The following ANK3 variants were observed in gnomAD, a reference collection of about 807,000 sequenced individuals.
The protein encoded by ANK3 is ankyrin 3.
A neutral mutation model predicts 370.9 loss-of-function variants in ANK3; 57 were observed. That is an observed-to-expected ratio of 0.15 (90% CI 0.12 to 0.19). ANK3 has a LOEUF of 0.19. Among genes scored for constraint, ANK3 ranks in the 10% least tolerant of loss-of-function variants. ANK3 has a pLI of 1.00. For missense variants in ANK3, 4,439 were observed against 5,302.1 expected (o/e 0.84, Z 5.06); for synonymous variants, 1,929 against 1,946.3 (o/e 0.99, Z 0.23).
At chr10:60,233,239 C>A (rs2097275105) in intron 8 of ANK3, among the ~76,000 whole-genome samples, 1 of 152,088 alleles carries the variant, frequency 6.6e-6, no homozygotes. Context: ...CATTAATTTT[C>A]TTTATTTTCA....
intron 4 of ANK3, among the ~76,000 whole-genome samples, chr10:60,273,507 T>C (rs2098034392): frequency 6.6e-6 from 1 of 152,080 alleles, no homozygotes; most frequent in African/African-American, 2.4e-5. Context: ...CACTCCCCAT[T>C]TCCCCCTAGT....
intron 25 of ANK3, among the ~76,000 whole-genome samples, chr10:60,126,802 G>A (rs1466036346): frequency 6.6e-6 from 1 of 152,102 alleles, no homozygotes; most frequent in Non-Finnish European, 1.5e-5. Context: ...TAGAGAGAAA[G>A]CATAAAATAA....
At chr10:60,505,499 A>T (rs1050259685) in intron 2 of ANK3, among the ~76,000 whole-genome samples, 1 of 152,100 alleles carries the variant, frequency 6.6e-6, no homozygotes, top group Non-Finnish European at 1.5e-5. Context: ...AGCATTAGCA[A>T]TTGTTCTTCT....
chr10:60,140,449 A>G (rs753371747), intron 23 of ANK3: 17 of 1,611,404 alleles, frequency 1.1e-5, no homozygotes, highest in Non-Finnish European at 1.4e-5. Context: ...AACCTCCAAA[A>G]CAGCTCAAGG....
chr10:60,161,919 C>A (rs1482136851), intron 23 of ANK3, among the ~76,000 whole-genome samples: 1 of 152,012 alleles, frequency 6.6e-6, no homozygotes, highest in Non-Finnish European at 1.5e-5. Context: ...CAGAATGTTC[C>A]AAACACACAG....
chr10:60,395,560 C>CTTTCTTTCTT (rs1555367087), intron 2 of ANK3, among the ~76,000 whole-genome samples: 1 of 90,810 alleles, frequency 1.1e-5, no homozygotes, highest in African/African-American at 4.4e-5. Flanking sequence ...CTCTTTCTTT[C>CTTTCTTTCTT]TTTCTTTCTT....
At position 60,172,294 on chromosome 10, in the gene ANK3, C is replaced by T. The variant is rs953141090; in HGVS notation, c.2478+14G>A. 1.2e-6 allele frequency: 2 copies of T among 1,605,670 alleles called. No homozygotes were observed. The highest frequency in any genetic ancestry group is 3.3e-5 in the Admixed American group (2 of 59,932). On this transcript the variant is annotated intron_variant, in intron 21 of 43. Transcript: ENST00000280772. ...TGGCTCCTAGGGTAACAAGGTTCTG[C>T]ATTCCTTACTTACAGTTGTGGTCAT...
intron 1 of ANK3, among the ~76,000 whole-genome samples, chr10:60,281,003 C>G (rs2098154338): frequency 6.6e-6 from 1 of 152,164 alleles, no homozygotes; most frequent in Admixed American, 6.6e-5. Context: ...GAGTAGGCAA[C>G]TGGAAAGCAG....
intron 1 of ANK3, among the ~76,000 whole-genome samples, chr10:60,326,853 C>G (rs1299382664): frequency 6.7e-6 from 1 of 149,460 alleles, no homozygotes; most frequent in Non-Finnish European, 1.5e-5. Flanking sequence ...AACCCCGTCT[C>G]TACTAAAAAT....
rs183000939 is a variant in ANK3 at position 60,558,822 on chromosome 10, G to C, written c.96+56364C>G. Among the ~76,000 whole-genome samples, 21 of 152,138 alleles carry C rather than the reference G, an allele frequency of 1.4e-4. No homozygotes were observed. In the East Asian group the frequency reaches 4.1e-3, roughly 29 times the overall value. Reference sequence around the variant, plus strand: ...TATAATTTTCTAAAGCAATTTATAAGATAATATTTGTACAGCTCAAAAGAC... The same window carrying C: ...TATAATTTTCTAAAGCAATTTATAACATAATATTTGTACAGCTCAAAAGAC... On this transcript the variant is annotated intron_variant, in intron 2 of 43. Coordinates refer to the ANK3 transcript ENST00000373827.
At chr10:60,598,592 T>C (rs1208884005) in intron 2 of ANK3, among the ~76,000 whole-genome samples, 1 of 152,210 alleles carries the variant, frequency 6.6e-6, no homozygotes. Context: ...AATGTCAAAA[T>C]TGTGACTATA....
At chr10:60,626,562 A>G (rs1260266688) in intron 1 of ANK3, among the ~76,000 whole-genome samples, 1 of 152,190 alleles carries the variant, frequency 6.6e-6, no homozygotes, top group Non-Finnish European at 1.5e-5. Flanking sequence ...ATTTTTTACC[A>G]TCCAAGAAGA....
chr10:60,073,457 A>C lies in ANK3; in HGVS notation c.7424T>G (p.Val2475Gly). 1 of 1,614,020 alleles carries C rather than the reference A, an allele frequency of 6.2e-7. No individual in the cohort carries two copies. Among genetic ancestry groups the C allele is most frequent in the South Asian group, 1.1e-5 (1 of 91,072 alleles). The change falls in exon 37 of 44, where the codon GTG (valine) becomes GGG (glycine). Residue 2475 changes from valine to glycine, a missense_variant. Physicochemically the swap from Val to Gly is moderately radical, Grantham distance 109 (BLOSUM62 -3). This residue lies in a region of ANK3 where 1,601 missense variants were observed against 1,731.7 expected (regional missense o/e 0.92). Transcript: ENST00000280772. ...CGATTCCTCAGTATCAGAATGAGAC[A>C]CATCTAGCTTTTCTGACAGAAGCAT... is the stretch of plus-strand genomic sequence containing the variant. ...EKMLLSEKLD[V>G]SHSDTEESVT...
In ANK3 at chr10:60,270,642, A is replaced by G. The variant is rs111836710; in HGVS notation, c.415-413T>C. ...TAGTCACTGTAGCTCCCAAGCATCA[A>G]TTATCTGTTTTAAATAAACATGTAA... is the stretch of plus-strand genomic sequence containing the variant. On this transcript the variant is annotated intron_variant, in intron 4 of 43. Coordinates refer to ENST00000280772, the MANE Select transcript of ANK3 (RefSeq NM_020987.5). Among the ~76,000 whole-genome samples the G allele has an allele frequency of 2.3e-3, 353 of 152,332 alleles. 2 individuals carry two copies. The highest frequency in any genetic ancestry group is 8.1e-3 in the African/African-American group (335 of 41,582).
chr10:60,062,359 T>C (rs1182828818), intron 40 of ANK3: 1 of 152,276 alleles, frequency 6.6e-6, no homozygotes, highest in Non-Finnish European at 1.5e-5. Flanking sequence ...ATATTTATTA[T>C]GTTTTTCTTA....
chr10:60,163,099 C>T (rs1261684986), intron 23 of ANK3, among the ~76,000 whole-genome samples: 13 of 152,226 alleles, frequency 8.5e-5, no homozygotes, highest in South Asian at 4.1e-4. Context: ...TCTCTCCTTT[C>T]TCTTTCTTCT....
At chr10:60,218,152 C>CTTTTTTTTTTTTTTTTT (rs1555156463) in intron 8 of ANK3, among the ~76,000 whole-genome samples, 1 of 141,756 alleles carries the variant, frequency 7.1e-6, no homozygotes, top group African/African-American at 2.8e-5. Context: ...TTCTCCATCC[C>CTTTTTTTTTTTTTTTTT]TTTATTTTGA....
chr10:60,663,599 GT>G (rs1236835788), intron 1 of ANK3, among the ~76,000 whole-genome samples: 1 of 152,118 alleles, frequency 6.6e-6, no homozygotes. Flanking sequence ...CTAAAACTGA[GT>G]TTTCTTATTC....
intron 1 of ANK3, among the ~76,000 whole-genome samples, chr10:60,372,849 A>C (rs1207986718): frequency 6.6e-6 from 1 of 152,194 alleles, no homozygotes; most frequent in African/African-American, 2.4e-5. Context: ...TTTTCACTTA[A>C]AATAAATGAA....
Sources: gnomAD v4.1 joint callset for allele counts (sites outside exome capture counted in the v4.1 genomes callset) on GRCh38, gnomAD v4.1.1 for gene constraint, gnomAD v4.1.1 regional missense constraint, MANE v1.5 for transcripts, NCBI Gene and HGNC (gene_info 2026-07-23, HGNC 2026-07-21) for gene names.